PHACTR3: variants seen among roughly 807,000 people sequenced by gnomAD.
PHACTR3 encodes the protein phosphatase and actin regulator 3.
Under a neutral mutation model 66.8 loss-of-function variants are expected in PHACTR3, and 16 were observed. The ratio of observed to expected loss-of-function variants is 0.24; its 90% CI spans 0.16 to 0.36. PHACTR3 has a LOEUF of 0.36. PHACTR3 is among the 10% of genes least tolerant of loss of function. PHACTR3 has a pLI of 1.00. For missense variants in PHACTR3, 647 were observed against 719.9 expected (o/e 0.90, Z 1.16); for synonymous variants, 323 against 292.1 (o/e 1.11, Z -1.08).
chr20:59,836,511 G>C lies in PHACTR3; in HGVS notation c.1335G>C (p.Leu445=). The part of the protein sequence containing the change: ...QQIEMKLSKR[L]SQRPAVEELE... ...TTTTAGTGTTTTTCCGCAGACGGCT[G>C]AGCCAAAGACCTGCCGTGGAAGAGC... Residue 445 remains leucine (L), a synonymous_variant, in exon 9 of 13, where the codon CTG becomes CTC. Coordinates refer to ENST00000371015, the MANE Select transcript of PHACTR3 (RefSeq NM_080672.5). 1 of 1,607,928 alleles carries C rather than the reference G, an allele frequency of 6.2e-7. No individual in the cohort carries two copies.
At chr20:59,622,730 G>A (rs1203725235) in intron 1 of PHACTR3, among the ~76,000 whole-genome samples, 3 of 151,886 alleles carry the variant, frequency 2.0e-5, no homozygotes, top group Non-Finnish European at 4.4e-5. Flanking sequence ...GATGCCTCGG[G>A]ACCTGAGCCG....
chr20:59,614,787 G>T (rs1418797380), intron 1 of PHACTR3, among the ~76,000 whole-genome samples: 1 of 152,136 alleles, frequency 6.6e-6, no homozygotes, highest in African/African-American at 2.4e-5. Context: ...GTAATCACTA[G>T]CTCTGGAGTT....
At chr20:59,710,403 T>A (rs1415073477) in intron 1 of PHACTR3, among the ~76,000 whole-genome samples, 2 of 152,076 alleles carry the variant, frequency 1.3e-5, no homozygotes, top group African/African-American at 2.4e-5. Flanking sequence ...TTTTGAAGCT[T>A]GTTTTGTTTC....
intron 1 of PHACTR3, among the ~76,000 whole-genome samples, chr20:59,585,772 T>C (rs538943665): frequency 6.6e-6 from 1 of 152,336 alleles, no homozygotes; most frequent in South Asian, 2.1e-4. Context: ...CCCTTGCGGC[T>C]CACAGGAGTT....
chr20:59,676,471 A>G (rs1160607378), intron 1 of PHACTR3, among the ~76,000 whole-genome samples: 1 of 137,806 alleles, frequency 7.3e-6, no homozygotes, highest in Admixed American at 7.9e-5. Context: ...CCCCCACCTC[A>G]TCTCTGCTTC....
At chr20:59,645,221 C>CTT (rs11470114) in intron 1 of PHACTR3, among the ~76,000 whole-genome samples, 16 of 120,552 alleles carry the variant, frequency 1.3e-4, no homozygotes, top group South Asian at 5.5e-4. Context: ...GTTAGCAGAT[C>CTT]TTTTTTTTTT....
chr20:59,623,640 T>C (rs900935477), intron 1 of PHACTR3, among the ~76,000 whole-genome samples: 1 of 152,146 alleles, frequency 6.6e-6, no homozygotes, highest in Non-Finnish European at 1.5e-5. Flanking sequence ...GGGATGTAGA[T>C]ATGAAGTTTG....
chr20:59,815,429 T>TTG (rs2041860492), intron 8 of PHACTR3, among the ~76,000 whole-genome samples: 1 of 149,580 alleles, frequency 6.7e-6, no homozygotes, highest in Non-Finnish European at 1.5e-5. Context: ...TTTTTTTTTT[T>TTG]TTGTTTTTTT....
At chr20:59,802,669 T>G (rs1025615857) in intron 7 of PHACTR3, among the ~76,000 whole-genome samples, 1 of 152,144 alleles carries the variant, frequency 6.6e-6, no homozygotes, top group African/African-American at 2.4e-5. Flanking sequence ...GCGGTGCCAC[T>G]TAGCAGCTAT....
In PHACTR3 at chr20:59,771,537, C is replaced by G. The variant is rs370274258; in HGVS notation, c.752-1742C>G. On this transcript the variant is annotated intron_variant, in intron 5 of 12. Coordinates refer to ENST00000371015, the MANE Select transcript of PHACTR3 (RefSeq NM_080672.5). ...TCTCCCAAACCAGCTACCACCTCCC[C>G]CCGACCAGCCCAGTACTCTCAGCCC... Among the ~76,000 whole-genome samples, 47 of 152,202 alleles carry G rather than the reference C, an allele frequency of 3.1e-4. No homozygotes were observed. In the East Asian group the frequency reaches 5.4e-3, roughly 18 times the overall value.
At chr20:59,636,041 A>G (rs2034891289) in intron 1 of PHACTR3, among the ~76,000 whole-genome samples, 1 of 152,266 alleles carries the variant, frequency 6.6e-6, no homozygotes, top group South Asian at 2.1e-4. Flanking sequence ...CCTTCACATT[A>G]GCTAATGCTG....
intron 1 of PHACTR3, among the ~76,000 whole-genome samples, chr20:59,658,340 T>C (rs1316751840): frequency 6.6e-6 from 1 of 151,936 alleles, no homozygotes; most frequent in Non-Finnish European, 1.5e-5. Context: ...TTTTTTTAAA[T>C]GTATTTGTTG....
At chr20:59,668,011 C>T (rs73303111) in intron 1 of PHACTR3, among the ~76,000 whole-genome samples, 6,771 of 152,246 alleles carry the variant, frequency 0.044, 516 homozygotes, top group African/African-American at 0.15. Context: ...TGAGTGTATA[C>T]ACCTGTACCG....
chr20:59,646,898 C>T (rs548886463), intron 1 of PHACTR3, among the ~76,000 whole-genome samples: 1 of 152,246 alleles, frequency 6.6e-6, no homozygotes, highest in African/African-American at 2.4e-5. Context: ...CACAAAGATG[C>T]CCGTGTTGTG....
chr20:59,818,013 C>A (rs941018255), intron 8 of PHACTR3, among the ~76,000 whole-genome samples: 1 of 152,170 alleles, frequency 6.6e-6, no homozygotes, highest in African/African-American at 2.4e-5. Context: ...CTGTCAGCAG[C>A]GGAAGCCTCC....
At position 59,767,251 on chromosome 20, in the gene PHACTR3, G is replaced by A. The variant is rs764080273; in HGVS notation, c.607G>A (p.Glu203Lys). The change falls in exon 5 of 13, where the codon GAG (glutamate) becomes AAG (lysine). Residue 203 changes from glutamate to lysine, a missense_variant. Physicochemically the swap from Glu to Lys is moderately conservative, Grantham distance 56. Coordinates refer to ENST00000371015, the MANE Select transcript of PHACTR3 (RefSeq NM_080672.5). ...TGGCAGCCTCCTGCCCACCACCAAT[G>A]AGCTCTCCCAAGCCTTAGCTGGGGC... ...DAGSLLPTTN[E>K]LSQALAGADS... The A allele has an allele frequency of 6.2e-7, 1 of 1,614,132 alleles. No homozygotes were observed. The highest frequency in any genetic ancestry group is 8.5e-7 in the Non-Finnish European group (1 of 1,180,060).
intron 1 of PHACTR3, among the ~76,000 whole-genome samples, chr20:59,662,403 G>A (rs138861388): frequency 5.3e-5 from 8 of 152,218 alleles, no homozygotes; most frequent in African/African-American, 1.4e-4. Flanking sequence ...AGGAATGAGA[G>A]GTGGAGAGGA....
chr20:59,616,009 G>A (rs1468540119), intron 1 of PHACTR3, among the ~76,000 whole-genome samples: 1 of 152,130 alleles, frequency 6.6e-6, no homozygotes, highest in African/African-American at 2.4e-5. Flanking sequence ...CTTGACATTG[G>A]ATGCCAACAG....
intron 1 of PHACTR3, among the ~76,000 whole-genome samples, chr20:59,685,431 T>G (rs2036827168): frequency 6.6e-6 from 1 of 152,162 alleles, no homozygotes; most frequent in Non-Finnish European, 1.5e-5. Flanking sequence ...GTGACCTGGT[T>G]CCTCATTTTC....
Sources: allele counts gnomAD v4.1 joint callset (sites outside exome capture counted in the v4.1 genomes callset), GRCh38; gene constraint gnomAD v4.1.1; transcripts MANE v1.5; gene names NCBI Gene and HGNC (gene_info 2026-07-23, HGNC 2026-07-21).